Variants in BPIFB4 observed in about 807,000 individuals in gnomAD.
The protein encoded by BPIFB4 is BPI fold-containing family B member 4.
BPIFB4 carries 62 observed loss-of-function variants against 69.2 expected under a neutral mutation model. The observed-to-expected ratio is 0.90, with a 90% CI of 0.73 to 1.11. BPIFB4 has a LOEUF of 1.11. BPIFB4 is among the 50% of genes least tolerant of loss of function. BPIFB4 has a pLI of 0.00. For missense variants in BPIFB4, 789 were observed against 792.0 expected (o/e 1.00, Z 0.04); for synonymous variants, 330 against 332.7 (o/e 0.99, Z 0.09).
chr20:33,105,223 T>C (rs986521458), intron 16 of BPIFB4, among the ~76,000 whole-genome samples: 1 of 152,198 alleles, frequency 6.6e-6, no homozygotes, highest in African/African-American at 2.4e-5. Flanking sequence ...GCATATTTCC[T>C]TCTAAACTCT....
chr20:33,100,393 C>T (rs1443247752), intron 13 of BPIFB4, 33 bp from the exon 14 acceptor site: 2 of 1,536,270 alleles, frequency 1.3e-6, no homozygotes, highest in Non-Finnish European at 1.8e-6. Flanking sequence ...GACATGAAGG[C>T]AGTGACGTCT....
Position 33,111,566 on chromosome 20 carries a change from A to T in BPIFB4, c.*129A>T. ...TGACAGGTCCCTCCCTGGCCCCCCA[A>T]CCCTCTTCCTCCCTTGCCCCAACCC... On this transcript the variant is annotated 3_prime_UTR_variant, in exon 18 of 18. Coordinates refer to ENST00000375483, the MANE Select transcript of BPIFB4 (RefSeq NM_182519.3). 1 of 1,162,656 alleles carries T rather than the reference A, an allele frequency of 8.6e-7. No individual in the cohort carries two copies. The highest frequency in any genetic ancestry group is 1.2e-6 in the Non-Finnish European group (1 of 800,814). The allele number at this position is 1,162,656 out of a possible 1,614,324, so 72.0% of individuals were successfully genotyped here. A position where few individuals can be genotyped will look rare whatever the true frequency, so the allele number is the denominator to read the frequency against.
At chr20:33,081,881 A>T (rs1981242814) in intron 3 of BPIFB4, among the ~76,000 whole-genome samples, 2 of 152,356 alleles carry the variant, frequency 1.3e-5, no homozygotes. Context: ...AATGATTAAG[A>T]GCCCTGGATC....
rs1160619806 is a variant in BPIFB4, at chr20:33,082,974, A to C, written c.143A>C (p.His48Pro). 1.2e-6 allele frequency: 2 copies of C among 1,612,182 alleles called. No homozygotes were observed. Among genetic ancestry groups the C allele is most frequent in the African/African-American group, 2.7e-5 (2 of 74,230 alleles). Residue 48 changes from histidine to proline, a missense_variant, in exon 4 of 18, where the codon CAC becomes CCC. Around this residue, in one of 3 missense-constraint regions of BPIFB4, gnomAD observed 611 missense variants for 575.4 expected, o/e 1.06. Transcript: ENST00000375483. ...ATGCTGCAGCAAAGTGATGCTCTCCACTCGGCCCTGAGAGAGGTGCCCTTG... is the reference window on the plus strand; with the variant it reads ...ATGCTGCAGCAAAGTGATGCTCTCCCCTCGGCCCTGAGAGAGGTGCCCTTG... Reference protein sequence around the residue: ...SGMLQQSDALHSALREVPLGV... With the variant: ...SGMLQQSDALPSALREVPLGV...
intron 15 of BPIFB4, among the ~76,000 whole-genome samples, chr20:33,103,550 T>C (rs1981962514): frequency 6.6e-6 from 1 of 152,158 alleles, no homozygotes. Context: ...TAGCGTTGGG[T>C]CCTGTTTTAT....
chr20:33,098,036 G>A (rs897404186), intron 13 of BPIFB4, among the ~76,000 whole-genome samples: 1 of 152,102 alleles, frequency 6.6e-6, no homozygotes, highest in Non-Finnish European at 1.5e-5. Flanking sequence ...AATTTGCTTG[G>A]CATTTCCTTC....
chr20:33,100,519 C>T (rs1336012285), intron 14 of BPIFB4, 26 bp downstream of exon 14: 2 of 1,590,572 alleles, frequency 1.3e-6, no homozygotes, highest in African/African-American at 1.3e-5. Flanking sequence ...GCCTTGGGGT[C>T]CTGACGGTGC....
At chr20:33,084,799 G>A in intron 5 of BPIFB4, 93 bp from the exon 6 acceptor site, 1 of 1,509,088 alleles carries the variant, frequency 6.6e-7, no homozygotes, top group Non-Finnish European at 8.8e-7. Flanking sequence ...GGAACAGACG[G>A]GGAGCAGAGA....
intron 17 of BPIFB4, among the ~76,000 whole-genome samples, chr20:33,110,499 T>C (rs1470299607): frequency 6.6e-6 from 1 of 152,200 alleles, no homozygotes; most frequent in East Asian, 1.9e-4. Flanking sequence ...CAATCTCTTG[T>C]GAGGAGGTAC....
chr20:33,088,458 C>G (rs1981500010), intron 7 of BPIFB4, among the ~76,000 whole-genome samples: 1 of 152,210 alleles, frequency 6.6e-6, no homozygotes, highest in Non-Finnish European at 1.5e-5. Context: ...CACCAACTAT[C>G]CATCCTTTCT....
At chr20:33,080,343 A>G (rs1396272708) in intron 1 of BPIFB4, 126 bp from the exon 2 acceptor site, 1 of 152,232 alleles carries the variant, frequency 6.6e-6, no homozygotes, top group Non-Finnish European at 1.5e-5. Context: ...GCCGGGGCTG[A>G]TGGAGTGAGA....
intron 12 of BPIFB4, 109 bp downstream of exon 12, chr20:33,095,262 G>T: frequency 8.3e-7 from 1 of 1,206,576 alleles, no homozygotes; most frequent in Non-Finnish European, 1.2e-6. Flanking sequence ...GCTCTCCCCC[G>T]AACCCCTGCT....
At chr20:33,089,114 C>T (rs1019026273) in intron 8 of BPIFB4, 85 bp downstream of exon 8, 22 of 1,595,548 alleles carry the variant, frequency 1.4e-5, no homozygotes, top group Middle Eastern at 1.7e-4. Context: ...TCCCTGGGGG[C>T]CTGCAGGTAA....
chr20:33,093,092 C>T (rs1302554238), intron 11 of BPIFB4, among the ~76,000 whole-genome samples: 1 of 152,166 alleles, frequency 6.6e-6, no homozygotes, highest in Non-Finnish European at 1.5e-5. Flanking sequence ...CTTTTGAAAA[C>T]TTTCAAGGCT....
chr20:33,100,435 T>G lies in BPIFB4; in HGVS notation c.1579T>G (p.Phe527Val), dbSNP rs11699009. 1 of 1,597,504 alleles carries G rather than the reference T, an allele frequency of 6.3e-7. No homozygotes were observed. Among genetic ancestry groups the G allele is most frequent in the Non-Finnish European group, 8.6e-7 (1 of 1,165,146 alleles). ...TTTCCTTTCCCTCCAGGACACAGAA[T>G]TCTTGGCCTCATTTTCCACAGAAGG... Reference protein sequence around the residue: ...TICLIDVDTEFLASFSTEGDK... With the variant: ...TICLIDVDTEVLASFSTEGDK... Residue 527 changes from phenylalanine to valine, a missense_variant, in exon 14 of 18, where the codon TTC becomes GTC. By Grantham distance (50) the Phe-to-Val change is conservative (BLOSUM62 -1). Around this residue, in one of 3 missense-constraint regions of BPIFB4, gnomAD observed 170 missense variants for 193.6 expected, o/e 0.88. Coordinates refer to ENST00000375483, the MANE Select transcript of BPIFB4 (RefSeq NM_182519.3).
At chr20:33,110,360 C>G (rs1982199493) in intron 17 of BPIFB4, among the ~76,000 whole-genome samples, 2 of 152,222 alleles carry the variant, frequency 1.3e-5, no homozygotes, top group African/African-American at 2.4e-5. Context: ...ACAGAAGTGA[C>G]GCAGTCCCCA....
chr20:33,079,808 C>G (rs1461994301), intron 1 of BPIFB4, 105 bp downstream of exon 1: 1 of 152,232 alleles, frequency 6.6e-6, no homozygotes, highest in Non-Finnish European at 1.5e-5. Context: ...CAGGATGGCC[C>G]CTCTCCAAGT....
In BPIFB4 at chr20:33,111,264, C is replaced by T. The variant is rs922610241; in HGVS notation, c.1822-150C>T. On this transcript the variant is annotated intron_variant, in intron 17 of 17. Transcript: ENST00000375483. ...GGCCAGATAATGACCTGGCCAGGTG[C>T]TCCTCGGGCCTGCATGACCCCTTTA... The T allele has an allele frequency of 4.2e-5, 39 of 923,186 alleles. No homozygotes were observed. The East Asian group carries it at 5.0e-4, about 12-fold the overall frequency. 57.2% of individuals were successfully genotyped at this position (923,186 alleles called of 1,614,324 possible). A position where few individuals can be genotyped will look rare whatever the true frequency, so the allele number is the denominator to read the frequency against.
intron 17 of BPIFB4, among the ~76,000 whole-genome samples, chr20:33,109,205 CGA>C (rs1982163985): frequency 6.6e-6 from 1 of 152,092 alleles, no homozygotes; most frequent in Non-Finnish European, 1.5e-5. Context: ...AGAAATTAAA[CGA>C]GATACAGCAT....
Sources: allele counts gnomAD v4.1 joint callset (sites outside exome capture counted in the v4.1 genomes callset), GRCh38; gene constraint gnomAD v4.1.1; regional missense constraint gnomAD v4.1.1; transcripts MANE v1.5; gene names NCBI Gene and HGNC (gene_info 2026-07-23, HGNC 2026-07-21).